FBXL8: variants seen among roughly 807,000 people sequenced by gnomAD.
The protein encoded by FBXL8 is F-box and leucine rich repeat protein 8.
In FBXL8, 13 loss-of-function variants were observed where a neutral mutation model predicts 8.2. The ratio of observed to expected loss-of-function variants is 1.58; its 90% CI spans 1.03 to 2.51. The LOEUF is 2.51. Ranked by LOEUF, FBXL8 falls within the 30% of genes most tolerant of loss-of-function variation. FBXL8 has a pLI of 0.00. For synonymous variants in FBXL8, 271 were observed against 260.5 expected (o/e 1.04, Z -0.39); for missense variants, 565 against 540.4 (o/e 1.05, Z -0.45).
chr16:67,161,625 T>C (rs2030906010), intron 1 of FBXL8, 110 bp from the exon 2 acceptor site: 1 of 797,124 alleles, frequency 1.3e-6, no homozygotes, highest in Non-Finnish European at 1.8e-6. Flanking sequence ...TGCCCCACGC[T>C]GTCTGAGAGG....
In FBXL8 at chr16:67,163,283, C is replaced by G. The variant is rs779159316; in HGVS notation, c.588C>G (p.Leu196=). The change falls in exon 3 of 3, where the codon CTC becomes CTG. Residue 196 remains leucine (L), a synonymous_variant. Coordinates refer to ENST00000258200, the MANE Select transcript of FBXL8 (RefSeq NM_018378.3). ...LLEACPRLRA[L]GLHLASLSHA... ...AGGCCTGCCCGCGCCTGCGCGCTCTCGGCCTGCACCTAGCCAGTTTGTCGC... is the reference window on the plus strand; with the variant it reads ...AGGCCTGCCCGCGCCTGCGCGCTCTGGGCCTGCACCTAGCCAGTTTGTCGC... 2 of 1,573,636 alleles carry G rather than the reference C, an allele frequency of 1.3e-6. No individual in the cohort carries two copies. Among genetic ancestry groups the G allele is most frequent in the Non-Finnish European group, 1.7e-6 (2 of 1,161,502 alleles).
intron 1 of FBXL8, among the ~76,000 whole-genome samples, chr16:67,161,433 C>A (rs1240949560): frequency 1.4e-5 from 2 of 147,832 alleles, no homozygotes; most frequent in Non-Finnish European, 3.0e-5. Context: ...AAGAGCGAGA[C>A]CCTGTCTCAA....
Position 67,162,828 on chromosome 16 carries a change from C to G in FBXL8, c.153-20C>G, listed in dbSNP as rs1452708292. 1 of 1,550,068 alleles carries G rather than the reference C, an allele frequency of 6.5e-7. No homozygotes were observed. On this transcript the variant is annotated intron_variant, in intron 2 of 2. Coordinates refer to ENST00000258200, the MANE Select transcript of FBXL8 (RefSeq NM_018378.3). ...CGCAGGGACTCAGCTGAGGCCTTTT[C>G]TGCACGGCTCTAACCCAAGTTGCGA...
chr16:67,162,895 G>C lies in FBXL8; in HGVS notation c.200G>C (p.Cys67Ser), dbSNP rs901231990. 2 of 1,552,318 alleles carry C rather than the reference G, an allele frequency of 1.3e-6. No homozygotes were observed. Among genetic ancestry groups the C allele is most frequent in the East Asian group, 2.4e-5 (1 of 41,006 alleles). The change falls in exon 3 of 3, where the codon TGC becomes TCC. Residue 67 changes from cysteine to serine, a missense_variant. Physicochemically the swap from Cys to Ser is moderately radical, Grantham distance 112. Transcript: ENST00000258200. ...EGMLPPYLSA[C>S]LDHIHNLRLE... ...ATGCTGCCACCTTATCTGTCCGCCT[G>C]CCTCGACCACATTCACAACCTACGG...
intron 1 of FBXL8, among the ~76,000 whole-genome samples, chr16:67,160,660 G>A (rs1431118793): frequency 6.6e-6 from 1 of 152,162 alleles, no homozygotes; most frequent in African/African-American, 2.4e-5. Context: ...GCAGTGAGCC[G>A]AGATCTCGCC....
intron 1 of FBXL8, among the ~76,000 whole-genome samples, chr16:67,160,546 A>G (rs570757120): frequency 9.2e-5 from 14 of 152,264 alleles, no homozygotes; most frequent in Non-Finnish European, 1.8e-4. Context: ...CCCCGTCTCT[A>G]CTAAAAATAC....
In FBXL8 at chr16:67,161,895, C is replaced by T; in HGVS notation, c.110C>T (p.Ala37Val). 6.2e-7 allele frequency: 1 copy of T among 1,611,342 alleles called. No homozygotes were observed. Among genetic ancestry groups the T allele is most frequent in the African/African-American group, 1.3e-5 (1 of 75,020 alleles). Residue 37 changes from alanine (A) to valine (V), a missense_variant, in exon 2 of 3, where the codon GCC (alanine) becomes GTC (valine). Ala to Val is a moderately conservative substitution (Grantham distance 64). Transcript: ENST00000258200. ...AAARVCRAWA[A>V]AATCSAVWHD... ...GCCAGGGTCTGCAGGGCCTGGGCCG[C>T]CGCTGCTACCTGCAGCGCCGTGTGG...
chr16:67,161,573 G>A (rs969506644), intron 1 of FBXL8, 162 bp from the exon 2 acceptor site: 5 of 485,232 alleles, frequency 1.0e-5, no homozygotes, highest in African/African-American at 6.0e-5. Flanking sequence ...AGTAGGTGAG[G>A]CGGTGAAATC....
Position 67,161,744 on chromosome 16 carries a change from A to G in FBXL8, c.-42A>G, listed in dbSNP as rs1372609195. The G allele has an allele frequency of 6.5e-7, 1 of 1,540,538 alleles. No individual in the cohort carries two copies. The highest frequency in any genetic ancestry group is 8.8e-7 in the Non-Finnish European group (1 of 1,139,826). ...GTCCGTCTCTCTCCAGGCCGGAGCT[A>G]TTGGGAGTGGCGGATCCTCCCACCC... On this transcript the variant is annotated 5_prime_UTR_variant, in exon 2 of 3. Coordinates refer to ENST00000258200, the MANE Select transcript of FBXL8 (RefSeq NM_018378.3).
In FBXL8 at chr16:67,162,980, T is replaced by A. The variant is rs2030973058; in HGVS notation, c.285T>A (p.Val95=). The part of the protein sequence containing the change: ...SRRAAIELLM[V]LAGRAPGLRG... ...GGGCGGCCATCGAGCTGCTGATGGT[T>A]CTGGCGGGCCGTGCCCCGGGGCTGC... Residue 95 remains valine (V), a synonymous_variant, in exon 3 of 3, where the codon GTT becomes GTA. Coordinates refer to ENST00000258200, the MANE Select transcript of FBXL8 (RefSeq NM_018378.3). 1 of 1,559,698 alleles carries A rather than the reference T, an allele frequency of 6.4e-7. No homozygotes were observed. The highest frequency in any genetic ancestry group is 1.2e-5 in the South Asian group (1 of 84,840).
At position 67,164,050 on chromosome 16, in the gene FBXL8, C is replaced by T. The variant is rs967535843; in HGVS notation, c.*230C>T. The stretch of plus-strand genomic sequence containing the variant: ...CACCCGCTCGGTCCTGGACACACTG[C>T]CCCCCTCTCTTGCCTCCACCCCTCT... On this transcript the variant is annotated 3_prime_UTR_variant, in exon 3 of 3. Transcript: ENST00000258200. The T allele has an allele frequency of 3.9e-5, 28 of 715,694 alleles. No homozygotes were observed. The highest frequency in any genetic ancestry group is 2.0e-5 in the Non-Finnish European group (8 of 399,536). 44.3% of individuals were successfully genotyped at this position (715,694 alleles called of 1,614,324 possible).
In FBXL8 at chr16:67,162,986, G is replaced by A; in HGVS notation, c.291G>A (p.Ala97=). ...CCATCGAGCTGCTGATGGTTCTGGCGGGCCGTGCCCCGGGGCTGCGAGGCC... is the reference window on the plus strand; with the variant it reads ...CCATCGAGCTGCTGATGGTTCTGGCAGGCCGTGCCCCGGGGCTGCGAGGCC... ...RAAIELLMVL[A]GRAPGLRGLR... is the part of the protein sequence containing the mutation. The change falls in exon 3 of 3, where the codon GCG becomes GCA. Residue 97 remains alanine, a synonymous_variant. Transcript: ENST00000258200. 1 of 1,559,276 alleles carries A rather than the reference G, an allele frequency of 6.4e-7. No individual in the cohort carries two copies. The highest frequency in any genetic ancestry group is 8.7e-7 in the Non-Finnish European group (1 of 1,151,704).
chr16:67,163,460 G>A lies in FBXL8; in HGVS notation c.765G>A (p.Glu255=). The A allele has an allele frequency of 6.5e-7, 1 of 1,535,732 alleles. No homozygotes were observed. Among genetic ancestry groups the A allele is most frequent in the South Asian group, 1.2e-5 (1 of 84,450 alleles). Residue 255 remains glutamate (E), a synonymous_variant, in exon 3 of 3, where the codon GAG becomes GAA. Coordinates refer to ENST00000258200, the MANE Select transcript of FBXL8 (RefSeq NM_018378.3). ...GCCGCCACCCTGGGCTGGCAGTGGAGCTGGAGCTGGAGCCCGCGCTGCCCG... is the reference window on the plus strand; with the variant it reads ...GCCGCCACCCTGGGCTGGCAGTGGAACTGGAGCTGGAGCCCGCGCTGCCCG... The part of the protein sequence containing the change: ...LRRRHPGLAV[E]LELEPALPAE...
chr16:67,162,915 C>G lies in FBXL8; in HGVS notation c.220C>G (p.Leu74Val). The G allele has an allele frequency of 6.4e-7, 1 of 1,554,256 alleles. No individual in the cohort carries two copies. Residue 74 changes from leucine (L) to valine (V), a missense_variant, in exon 3 of 3, where the codon CTA becomes GTA. Transcript: ENST00000258200. ...CGCCTGCCTCGACCACATTCACAAC[C>G]TACGGCTGGAATTTGAGCCATCGAG... The part of the protein sequence containing the change: ...LSACLDHIHN[L>V]RLEFEPSRKP...
At chr16:67,162,045 G>A in intron 2 of FBXL8, 108 bp downstream of exon 2, 1 of 1,379,214 alleles carries the variant, frequency 7.3e-7, no homozygotes. Context: ...AAAAATAATT[G>A]CTGGCCGGGC....
intron 1 of FBXL8, chr16:67,160,264 A>G (rs1464112589): frequency 6.6e-6 from 1 of 152,212 alleles, no homozygotes; most frequent in Non-Finnish European, 1.5e-5. Flanking sequence ...CGGGGTGCCC[A>G]TGGGTCCCAG....
chr16:67,163,790 G>A lies in FBXL8; in HGVS notation c.1095G>A (p.Pro365=). Residue 365 remains proline (P), a synonymous_variant, in exon 3 of 3, where the codon CCG becomes CCA. Transcript: ENST00000258200. ...RTYTLKLTRE[P]HPWRPTLVA is the part of the protein sequence containing the mutation. The stretch of plus-strand genomic sequence containing the variant: ...ATACCCTCAAGCTCACGCGCGAGCC[G>A]CATCCCTGGAGGCCTACGCTCGTGG... 1 of 1,564,906 alleles carries A rather than the reference G, an allele frequency of 6.4e-7. No homozygotes were observed. The highest frequency in any genetic ancestry group is 8.6e-7 in the Non-Finnish European group (1 of 1,164,402).
At chr16:67,161,454 A>G (rs940326550) in intron 1 of FBXL8, among the ~76,000 whole-genome samples, 18 of 151,028 alleles carry the variant, frequency 1.2e-4, no homozygotes, top group African/African-American at 2.7e-4. Context: ...AAAAAAAGAA[A>G]AAAAAAAAAA....
chr16:67,162,990 C>T lies in FBXL8; in HGVS notation c.295C>T (p.Arg99Cys), dbSNP rs1178015745. ...AIELLMVLAG[R>C]APGLRGLRLE... Reference sequence around the variant, plus strand: ...CGAGCTGCTGATGGTTCTGGCGGGCCGTGCCCCGGGGCTGCGAGGCCTGCG... The same window carrying T: ...CGAGCTGCTGATGGTTCTGGCGGGCTGTGCCCCGGGGCTGCGAGGCCTGCG... Residue 99 changes from arginine to cysteine, a missense_variant, in exon 3 of 3, where the codon CGT becomes TGT. By Grantham distance (180) the Arg-to-Cys change is radical (BLOSUM62 -3). Coordinates refer to ENST00000258200, the MANE Select transcript of FBXL8 (RefSeq NM_018378.3). 4 of 1,557,502 alleles carry T rather than the reference C, an allele frequency of 2.6e-6. No homozygotes were observed. The highest frequency in any genetic ancestry group is 1.7e-4 in the Middle Eastern group (1 of 5,992).
Sources: gnomAD v4.1 joint callset for allele counts (sites outside exome capture counted in the v4.1 genomes callset) on GRCh38, gnomAD v4.1.1 for gene constraint, MANE v1.5 for transcripts, NCBI Gene and HGNC (gene_info 2026-07-23, HGNC 2026-07-21) for gene names.